The following P3H2 variants were observed in gnomAD, a reference collection of about 807,000 sequenced individuals.
The protein encoded by P3H2 is prolyl 3-hydroxylase 2.
P3H2 carries 80 observed loss-of-function variants against 87.0 expected under a neutral mutation model. That is an observed-to-expected ratio of 0.92 (90% CI 0.77 to 1.11). P3H2 has a LOEUF of 1.11. P3H2 is among the 50% of genes least tolerant of loss of function. P3H2 has a pLI of 0.00. For synonymous variants in P3H2, 367 were observed against 359.3 expected (o/e 1.02, Z -0.24); for missense variants, 1,001 against 923.9 (o/e 1.08, Z -1.08).
intron 1 of P3H2, among the ~76,000 whole-genome samples, chr3:190,068,285 A>C (rs1726579530): frequency 6.6e-6 from 1 of 152,206 alleles, no homozygotes; most frequent in Non-Finnish European, 1.5e-5. Context: ...AATGAAAAAC[A>C]ATAGCTAAGT....
intron 1 of P3H2, among the ~76,000 whole-genome samples, chr3:190,071,880 A>G (rs1235384546): frequency 6.6e-6 from 1 of 152,158 alleles, no homozygotes; most frequent in African/African-American, 2.4e-5. Context: ...TAAGAAAAAT[A>G]CTTCAATAAA....
In P3H2 at chr3:190,060,229, T is replaced by C. The variant is rs1297855562; in HGVS notation, c.480+60023A>G. Among the ~76,000 whole-genome samples, 4 of 152,054 alleles carry C rather than the reference T, an allele frequency of 2.6e-5. No homozygotes were observed. The South Asian group carries it at 8.3e-4, about 32-fold the overall frequency. On this transcript the variant is annotated intron_variant, in intron 1 of 14. Transcript: ENST00000319332. The stretch of plus-strand genomic sequence containing the variant: ...TGCCTGGATGTTAAGGAAAAAAAAA[T>C]AGTAGTCACAGAAAAATACAACATT...
intron 1 of P3H2, among the ~76,000 whole-genome samples, chr3:190,006,812 G>C (rs562473154): frequency 3.3e-5 from 5 of 152,296 alleles, no homozygotes; most frequent in African/African-American, 9.6e-5. Context: ...CTATTTATAA[G>C]ATAGTGTTTT....
At chr3:190,118,419 G>A (rs531076712) in intron 1 of P3H2, among the ~76,000 whole-genome samples, 29 of 152,042 alleles carry the variant, frequency 1.9e-4, no homozygotes, top group African/African-American at 6.8e-4. Context: ...TAACTTCACC[G>A]TCAGACACTC....
At chr3:189,996,397 A>T (rs894843714) in intron 1 of P3H2, among the ~76,000 whole-genome samples, 7 of 152,204 alleles carry the variant, frequency 4.6e-5, no homozygotes, top group African/African-American at 1.7e-4. Flanking sequence ...TCTTATATGG[A>T]ATCTGAAACA....
At chr3:189,984,614 A>G in intron 6 of P3H2, 24 bp from the exon 7 acceptor site, 1 of 1,578,994 alleles carries the variant, frequency 6.3e-7, no homozygotes, top group Non-Finnish European at 8.7e-7. Flanking sequence ...AGTAAAAAAA[A>G]AAATGCAGTA....
intron 1 of P3H2, among the ~76,000 whole-genome samples, chr3:190,070,536 T>C (rs1726666522): frequency 6.6e-6 from 1 of 152,124 alleles, no homozygotes; most frequent in Non-Finnish European, 1.5e-5. Flanking sequence ...TTTCCAGCAT[T>C]ATAGTCATAG....
intron 1 of P3H2, among the ~76,000 whole-genome samples, chr3:190,031,920 T>C (rs1056687534): frequency 7.2e-5 from 11 of 152,260 alleles, no homozygotes; most frequent in African/African-American, 2.2e-4. Flanking sequence ...AAGACAACAA[T>C]TAAGGGCAAT....
chr3:189,970,191 AATAT>A lies in P3H2; in HGVS notation c.1893+621_1893+624del, dbSNP rs71175322. On this transcript the variant is annotated intron_variant, in intron 13 of 14. Transcript: ENST00000319332. ...ATCTCTCTATGCATATATATATGCA[AATAT>A]ATATATATATATATATATATATATA... Among the ~76,000 whole-genome samples the A allele has an allele frequency of 3.4e-3, 183 of 53,934 alleles. 12 individuals are homozygous for A. Among genetic ancestry groups the A allele is most frequent in the East Asian group, 0.021 (22 of 1,068 alleles). 35.4% of individuals were successfully genotyped at this position (53,934 alleles called of 152,430 possible).
chr3:190,073,059 A>G (rs1726757122), intron 1 of P3H2, among the ~76,000 whole-genome samples: 1 of 152,248 alleles, frequency 6.6e-6, no homozygotes, highest in South Asian at 2.1e-4. Flanking sequence ...GTCACGTGGT[A>G]TAAAAGAGGT....
At chr3:190,014,267 T>A (rs1379851867) in intron 1 of P3H2, among the ~76,000 whole-genome samples, 1 of 152,248 alleles carries the variant, frequency 6.6e-6, no homozygotes, top group South Asian at 2.1e-4. Context: ...TTGTCATTGA[T>A]ATTTCTTTCT....
chr3:189,970,903 A>C lies in P3H2; in HGVS notation c.1818-12T>G. On this transcript the variant is annotated splice_polypyrimidine_tract_variant and intron_variant, in intron 12 of 14. Coordinates refer to ENST00000319332, the MANE Select transcript of P3H2 (RefSeq NM_018192.4). ...TATATAGGAGAGCACTATAAGAATGAAGAGAAAACTATTTGTATTATTATA... is the reference window on the plus strand; with the variant it reads ...TATATAGGAGAGCACTATAAGAATGCAGAGAAAACTATTTGTATTATTATA... 1 of 1,407,536 alleles carries C rather than the reference A, an allele frequency of 7.1e-7. No homozygotes were observed. The highest frequency in any genetic ancestry group is 1.0e-6 in the Non-Finnish European group (1 of 991,718). The allele number at this position is 1,407,536 out of a possible 1,614,324, so 87.2% of individuals were successfully genotyped here.
chr3:190,053,747 T>C (rs1306726663), intron 1 of P3H2, among the ~76,000 whole-genome samples: 6 of 152,170 alleles, frequency 3.9e-5, no homozygotes, highest in African/African-American at 1.4e-4. Context: ...AATGAGCCAC[T>C]GGGCCCAGCC....
At chr3:189,970,130 C>G (rs77990187) in intron 13 of P3H2, among the ~76,000 whole-genome samples, 1,524 of 129,882 alleles carry the variant, frequency 0.012, 33 homozygotes, top group African/African-American at 0.042. Flanking sequence ...TATCAATTTT[C>G]AGGTATGAGT....
chr3:190,070,569 T>G (rs904249539), intron 1 of P3H2, among the ~76,000 whole-genome samples: 1 of 152,112 alleles, frequency 6.6e-6, no homozygotes. Context: ...GAGCACACGG[T>G]CCAAGGAGGG....
At chr3:189,959,170 G>C (rs907624502) in intron 14 of P3H2, among the ~76,000 whole-genome samples, 4 of 151,446 alleles carry the variant, frequency 2.6e-5, no homozygotes, top group African/African-American at 9.7e-5. Context: ...CCTACTGCTT[G>C]AAGTTTCAGG....
intron 1 of P3H2, among the ~76,000 whole-genome samples, chr3:190,048,916 A>T (rs964101823): frequency 5.3e-5 from 8 of 152,306 alleles, no homozygotes; most frequent in African/African-American, 1.9e-4. Context: ...GAAGGAGAAA[A>T]ATAGCTTTGC....
At chr3:190,047,924 G>A (rs1399626818) in intron 1 of P3H2, among the ~76,000 whole-genome samples, 1 of 152,158 alleles carries the variant, frequency 6.6e-6, no homozygotes, top group Non-Finnish European at 1.5e-5. Context: ...TAGCTAGAAG[G>A]TAAGATTTGG....
chr3:189,962,140 T>C (rs1048264422), intron 14 of P3H2, among the ~76,000 whole-genome samples: 1 of 149,094 alleles, frequency 6.7e-6, no homozygotes, highest in Non-Finnish European at 1.5e-5. Context: ...GTCAGGGCCT[T>C]TCTTTCTTTT....
Sources: allele counts gnomAD v4.1 joint callset (sites outside exome capture counted in the v4.1 genomes callset), GRCh38; gene constraint gnomAD v4.1.1; transcripts MANE v1.5; gene names NCBI Gene and HGNC (gene_info 2026-07-23, HGNC 2026-07-21).